JAKMIP1: variants seen among roughly 807,000 people sequenced by gnomAD.
JAKMIP1 encodes the protein janus kinase and microtubule interacting protein 1.
A neutral mutation model predicts 113.0 loss-of-function variants in JAKMIP1; 33 were observed. The ratio of observed to expected loss-of-function variants is 0.29; its 90% CI spans 0.22 to 0.39. The LOEUF (loss-of-function observed/expected upper bound fraction) is 0.39, where lower values mean the gene tolerates loss of function less well. JAKMIP1 is among the 10% of genes least tolerant of loss of function. The pLI is 1.00. For synonymous variants in JAKMIP1, 480 were observed against 459.9 expected (o/e 1.04, Z -0.56); for missense variants, 813 against 1,080.5 (o/e 0.75, Z 3.47).
At chr4:6,036,219 A>T in intron 18 of JAKMIP1, 112 bp from the exon 19 acceptor site, 2 of 825,656 alleles carry the variant, frequency 2.4e-6, no homozygotes, top group Non-Finnish European at 3.8e-6. Flanking sequence ...TCGGGCAGGG[A>T]GGGGCAACTG....
chr4:6,138,195 AC>A lies in JAKMIP1; in HGVS notation c.-147-25199del, dbSNP rs1242146960. Among the ~76,000 whole-genome samples the A allele has an allele frequency of 2.0e-5, 3 of 152,108 alleles. No individual in the cohort carries two copies. Among genetic ancestry groups the A allele is most frequent in the Non-Finnish European group, 4.4e-5 (3 of 68,008 alleles). On this transcript the variant is annotated intron_variant, in intron 1 of 20. Transcript: ENST00000409021. The surrounding 1 kb of genome is among the most constrained non-coding windows in gnomAD (Gnocchi z 6.0). Reference sequence around the variant, plus strand: ...TGGCTTCTGTTATCTGCACCTGAACACAGATGAAAGCTGGGGTACCCCAGAA... The same window carrying A: ...TGGCTTCTGTTATCTGCACCTGAACAAGATGAAAGCTGGGGTACCCCAGAA...
chr4:6,117,883 A>C (rs1345690753), intron 1 of JAKMIP1, among the ~76,000 whole-genome samples: 2 of 152,260 alleles, frequency 1.3e-5, no homozygotes, highest in Non-Finnish European at 2.9e-5. Flanking sequence ...TCAGAGTTTA[A>C]GGTTCTCTCT....
chr4:6,161,649 C>A (rs1162143007), intron 1 of JAKMIP1, among the ~76,000 whole-genome samples: 1 of 152,108 alleles, frequency 6.6e-6, no homozygotes, highest in Non-Finnish European at 1.5e-5. Flanking sequence ...GTCTCCGAGC[C>A]TTGGACTCAG....
intron 1 of JAKMIP1, among the ~76,000 whole-genome samples, chr4:6,170,531 C>T (rs1333973957): frequency 1.9e-5 from 2 of 105,772 alleles, no homozygotes; most frequent in Non-Finnish European, 4.1e-5. Context: ...ACCATTATCA[C>T]CACCACCACC....
At position 6,129,285 on chromosome 4, in the gene JAKMIP1, G is replaced by T; in HGVS notation, c.-147-16288C>A. On this transcript the variant is annotated intron_variant, in intron 1 of 20. Transcript: ENST00000409021. This position sits in a 1 kb window ranked among gnomAD's most constrained non-coding sequence, Gnocchi z 5.4. ...TACAACTGGACAAGAGCTGGCACAT[G>T]TGTGGTCAGATGCTGGGCGTGGCCC... Among the ~76,000 whole-genome samples the T allele has an allele frequency of 6.6e-6, 1 of 152,226 alleles. No homozygotes were observed. The highest frequency in any genetic ancestry group is 1.5e-5 in the Non-Finnish European group (1 of 68,046).
In JAKMIP1 at chr4:6,155,908, A is replaced by G. The variant is rs1342858942; in HGVS notation, c.-147-42911T>C. On this transcript the variant is annotated intron_variant, in intron 1 of 20. Transcript: ENST00000409021. This position sits in a 1 kb window ranked among gnomAD's most constrained non-coding sequence, Gnocchi z 6.1. The stretch of plus-strand genomic sequence containing the variant: ...CTGGCAATCTTAAGTTTGCACATAC[A>G]TTTTTCTGTGCGGTAATGTGTGAGA... 2.0e-5 allele frequency among the ~76,000 whole-genome samples: 3 copies of G among 151,982 alleles called. No individual in the cohort carries two copies. The highest frequency in any genetic ancestry group is 2.9e-5 in the Non-Finnish European group (2 of 68,020).
rs1040284169 is a variant in JAKMIP1, at chr4:6,158,527, T to C, written c.-148+41726A>G. Among the ~76,000 whole-genome samples the C allele has an allele frequency of 6.6e-6, 1 of 151,812 alleles. No homozygotes were observed. Among genetic ancestry groups the C allele is most frequent in the African/African-American group, 2.4e-5 (1 of 41,330 alleles). ...TGGGGCTTGGGTTTGAAGTCACAGG[T>C]GGAACATGATTCACTGGAAAGAAAG... On this transcript the variant is annotated intron_variant, in intron 1 of 20. Coordinates refer to ENST00000409021, the MANE Select transcript of JAKMIP1 (RefSeq NM_001099433.2). This position sits in a 1 kb window ranked among gnomAD's most constrained non-coding sequence, Gnocchi z 5.3.
chr4:6,158,717 A>G lies in JAKMIP1; in HGVS notation c.-148+41536T>C, dbSNP rs774015859. 8.5e-5 allele frequency among the ~76,000 whole-genome samples: 13 copies of G among 152,134 alleles called. No individual in the cohort carries two copies. Among genetic ancestry groups the G allele is most frequent in the African/African-American group, 2.9e-4 (12 of 41,408 alleles). Reference sequence around the variant, plus strand: ...ATTTGGTTTGAAAATTTATTGGATAAAAATAGGGCAATTCGATTGATCAAT... The same window carrying G: ...ATTTGGTTTGAAAATTTATTGGATAGAAATAGGGCAATTCGATTGATCAAT... On this transcript the variant is annotated intron_variant, in intron 1 of 20. Transcript: ENST00000409021. This position sits in a 1 kb window ranked among gnomAD's most constrained non-coding sequence, Gnocchi z 5.3.
rs554200758 is a variant in JAKMIP1, at chr4:6,124,021, G to A, written c.-147-11024C>T. On this transcript the variant is annotated intron_variant, in intron 1 of 20. Coordinates refer to ENST00000409021, the MANE Select transcript of JAKMIP1 (RefSeq NM_001099433.2). Reference sequence around the variant, plus strand: ...CAACCAAGTTAGGTTTTCCTAACACGTACTCTGGGCTTGGAGGTGAGGTGC... The same window carrying A: ...CAACCAAGTTAGGTTTTCCTAACACATACTCTGGGCTTGGAGGTGAGGTGC... 1.5e-4 allele frequency among the ~76,000 whole-genome samples: 23 copies of A among 152,292 alleles called. No individual in the cohort carries two copies. In the East Asian group the frequency reaches 3.7e-3, roughly 24 times the overall value.
rs1725998992 is a variant in JAKMIP1 at position 6,181,362 on chromosome 4, A to T, written c.-148+18891T>A. On this transcript the variant is annotated intron_variant, in intron 1 of 20. Transcript: ENST00000409021. The surrounding 1 kb of genome is among the most constrained non-coding windows in gnomAD (Gnocchi z 5.4). ...CACTAATTACAGGCCTGGAGTACAT[A>T]AACCAAGATGAGCTTACTGCCAGGT... Among the ~76,000 whole-genome samples the T allele has an allele frequency of 6.6e-6, 1 of 152,148 alleles. No individual in the cohort carries two copies. Among genetic ancestry groups the T allele is most frequent in the Non-Finnish European group, 1.5e-5 (1 of 68,018 alleles).
intron 16 of JAKMIP1, among the ~76,000 whole-genome samples, chr4:6,046,612 G>A (rs933390245): frequency 4.6e-5 from 7 of 152,114 alleles, no homozygotes; most frequent in Non-Finnish European, 7.4e-5. Context: ...TGCAAGCGGG[G>A]AGGTGGGCAG....
In JAKMIP1 at chr4:6,042,744, C is replaced by T. The variant is rs561370707; in HGVS notation, c.2029-517G>A. 6.6e-6 allele frequency among the ~76,000 whole-genome samples: 1 copy of T among 152,190 alleles called. No homozygotes were observed. Among genetic ancestry groups the T allele is most frequent in the Non-Finnish European group, 1.5e-5 (1 of 68,014 alleles). On this transcript the variant is annotated intron_variant, in intron 16 of 20. Coordinates refer to ENST00000409021, the MANE Select transcript of JAKMIP1 (RefSeq NM_001099433.2). This position sits in a 1 kb window ranked among gnomAD's most constrained non-coding sequence, Gnocchi z 5.2. The stretch of plus-strand genomic sequence containing the variant: ...GCCTGCAGGATGCCAAAGCCACTGC[C>T]CTCATCCCTCCAGCAACGTGAGTTG...
intron 3 of JAKMIP1, among the ~76,000 whole-genome samples, chr4:6,087,953 A>G (rs1721529649): frequency 5.3e-5 from 8 of 152,168 alleles, no homozygotes; most frequent in Admixed American, 3.3e-4. Context: ...TGCAATTTCC[A>G]AATGGGTAGG....
Position 6,162,890 on chromosome 4 carries a change from T to A in JAKMIP1, c.-148+37363A>T, listed in dbSNP as rs1237077152. ...CCCTCCCATCACCAAAGAAAGCACA[T>A]CTGTACTAGCCTGCGAGCAGCAAGG... On this transcript the variant is annotated intron_variant, in intron 1 of 20. Coordinates refer to ENST00000409021, the MANE Select transcript of JAKMIP1 (RefSeq NM_001099433.2). This position sits in a 1 kb window ranked among gnomAD's most constrained non-coding sequence, Gnocchi z 5.6. Among the ~76,000 whole-genome samples the A allele has an allele frequency of 6.6e-6, 1 of 152,048 alleles. No individual in the cohort carries two copies. The highest frequency in any genetic ancestry group is 1.5e-5 in the Non-Finnish European group (1 of 68,008).
At chr4:6,131,666 G>T (rs1441009373) in intron 1 of JAKMIP1, among the ~76,000 whole-genome samples, 1 of 152,324 alleles carries the variant, frequency 6.6e-6, no homozygotes, top group East Asian at 1.9e-4. Flanking sequence ...GGGGACAGGG[G>T]TTACAGTGAG....
chr4:6,098,376 T>C (rs1006260530), intron 3 of JAKMIP1, among the ~76,000 whole-genome samples: 1 of 151,048 alleles, frequency 6.6e-6, no homozygotes, highest in African/African-American at 2.4e-5. Context: ...GAGGTTGCAG[T>C]AAGCCGAGAT....
rs1485030472 is a variant in JAKMIP1 at position 6,076,114 on chromosome 4, T to C, written c.1302+2825A>G. 1.3e-5 allele frequency among the ~76,000 whole-genome samples: 2 copies of C among 152,226 alleles called. No homozygotes were observed. The highest frequency in any genetic ancestry group is 2.9e-5 in the Non-Finnish European group (2 of 68,034). ...TCGCTTGAACCTGGGAGGCAGAGGT[T>C]GCAATGAGCCGAGATTGTGCCATTG... On this transcript the variant is annotated intron_variant, in intron 8 of 20. Transcript: ENST00000409021. This position sits in a 1 kb window ranked among gnomAD's most constrained non-coding sequence, Gnocchi z 4.8.
chr4:6,182,251 T>C lies in JAKMIP1; in HGVS notation c.-148+18002A>G, dbSNP rs1726110834. 2.0e-5 allele frequency among the ~76,000 whole-genome samples: 3 copies of C among 150,980 alleles called. No homozygotes were observed. In the South Asian group the frequency reaches 6.3e-4, roughly 32 times the overall value. ...ATAATGAGACCTCATCTCTACAAAA[T>C]TAAAAAAATTAGTCAGGTGTGGTGG... On this transcript the variant is annotated intron_variant, in intron 1 of 20. Coordinates refer to ENST00000409021, the MANE Select transcript of JAKMIP1 (RefSeq NM_001099433.2).
chr4:6,109,120 GCAC>G (rs1173478010), intron 2 of JAKMIP1, among the ~76,000 whole-genome samples: 2 of 147,188 alleles, frequency 1.4e-5, no homozygotes, highest in African/African-American at 5.1e-5. Context: ...TGTGCCTGGG[GCAC>G]CTTTTTTTTT....
Sources: gnomAD v4.1 joint callset for allele counts (sites outside exome capture counted in the v4.1 genomes callset) on GRCh38, gnomAD v4.1.1 for gene constraint, Gnocchi (gnomAD v3.1) non-coding constraint, MANE v1.5 for transcripts, NCBI Gene and HGNC (gene_info 2026-07-23, HGNC 2026-07-21) for gene names.